EXOC4: variants seen among roughly 807,000 people sequenced by gnomAD.
The protein encoded by EXOC4 is SEC8-like 1.
EXOC4 carries 71 observed loss-of-function variants against 107.2 expected under a neutral mutation model. The ratio of observed to expected loss-of-function variants is 0.66; its 90% CI spans 0.55 to 0.81. The LOEUF (loss-of-function observed/expected upper bound fraction) is 0.81, where lower values mean the gene tolerates loss of function less well. EXOC4 is among the 30% of genes least tolerant of loss of function. The pLI is 0.00. For missense variants in EXOC4, 1,108 were observed against 1,189.6 expected (o/e 0.93, Z 1.01); for synonymous variants, 456 against 441.2 (o/e 1.03, Z -0.42).
intron 9 of EXOC4, among the ~76,000 whole-genome samples, chr7:133,607,769 A>G (rs1410282685): frequency 6.6e-6 from 1 of 152,200 alleles, no homozygotes; most frequent in Admixed American, 6.5e-5. Flanking sequence ...GGGTTATTAT[A>G]ATGGAGAAAT....
chr7:133,717,362 TGTAA>T (rs1279277725), intron 10 of EXOC4, among the ~76,000 whole-genome samples: 3 of 152,214 alleles, frequency 2.0e-5, no homozygotes, highest in Admixed American at 6.5e-5. Context: ...CTCATTCAGT[TGTAA>T]GTGTTTTCTC....
At position 133,960,362 on chromosome 7, in the gene EXOC4, C is replaced by T. The variant is rs150511034; in HGVS notation, c.2206+22293C>T. 1.4e-4 allele frequency among the ~76,000 whole-genome samples: 22 copies of T among 152,248 alleles called. 1 individual carries two copies. In the East Asian group the frequency reaches 4.3e-3, roughly 29 times the overall value. Reference sequence around the variant, plus strand: ...TTGGTATTAGGGTGATAGATACTGGCTTCATAGAATGATTTAGGGAGGGTT... The same window carrying T: ...TTGGTATTAGGGTGATAGATACTGGTTTCATAGAATGATTTAGGGAGGGTT... On this transcript the variant is annotated intron_variant, in intron 14 of 17. Transcript: ENST00000253861.
At chr7:133,557,240 C>A (rs185426252) in intron 9 of EXOC4, among the ~76,000 whole-genome samples, 3 of 152,232 alleles carry the variant, frequency 2.0e-5, no homozygotes, top group African/African-American at 7.2e-5. Flanking sequence ...TCTCCTCCCT[C>A]CCCCACAACC....
intron 6 of EXOC4, among the ~76,000 whole-genome samples, chr7:133,369,402 A>G (rs191785950): frequency 3.3e-5 from 5 of 152,292 alleles, no homozygotes; most frequent in African/African-American, 7.2e-5. Flanking sequence ...GTTCCACTCA[A>G]TGATCCACTG....
chr7:134,019,363 T>A (rs1484774176), intron 17 of EXOC4, among the ~76,000 whole-genome samples: 1 of 152,130 alleles, frequency 6.6e-6, no homozygotes, highest in Non-Finnish European at 1.5e-5. Flanking sequence ...GCAAGACATG[T>A]GATTTTTTTT....
intron 11 of EXOC4, 142 bp from the exon 12 acceptor site, chr7:133,895,457 G>A (rs1799284463): frequency 3.5e-6 from 3 of 851,984 alleles, no homozygotes; most frequent in Non-Finnish European, 5.5e-6. Context: ...TCCTCCCCCT[G>A]TTTTGAGTTC....
At chr7:133,509,526 C>T (rs1343979673) in intron 9 of EXOC4, among the ~76,000 whole-genome samples, 1 of 149,988 alleles carries the variant, frequency 6.7e-6, no homozygotes, top group Non-Finnish European at 1.5e-5. Context: ...TATAACCCTT[C>T]CTCTTCCTCT....
intron 9 of EXOC4, among the ~76,000 whole-genome samples, chr7:133,516,304 A>G (rs1799874413): frequency 6.6e-6 from 1 of 152,158 alleles, no homozygotes; most frequent in Non-Finnish European, 1.5e-5. Context: ...ATTTAAGGAC[A>G]TTTTCGTCAT....
intron 7 of EXOC4, among the ~76,000 whole-genome samples, chr7:133,404,350 G>A (rs1340248974): frequency 6.6e-6 from 1 of 152,018 alleles, no homozygotes; most frequent in Non-Finnish European, 1.5e-5. Flanking sequence ...TGATCCACCC[G>A]CCTCAGCCTC....
chr7:134,025,470 T>A (rs1447357963), intron 17 of EXOC4, among the ~76,000 whole-genome samples: 1 of 152,224 alleles, frequency 6.6e-6, no homozygotes, highest in Admixed American at 6.5e-5. Flanking sequence ...ATATGAGTTC[T>A]CTTAGTTGAG....
At chr7:133,791,590 A>G (rs1796704601) in intron 10 of EXOC4, among the ~76,000 whole-genome samples, 1 of 152,244 alleles carries the variant, frequency 6.6e-6, no homozygotes, top group Non-Finnish European at 1.5e-5. Flanking sequence ...TAGTTTGGTT[A>G]GTAAAAATAT....
At chr7:133,794,568 A>G (rs1796774338) in intron 10 of EXOC4, among the ~76,000 whole-genome samples, 1 of 152,172 alleles carries the variant, frequency 6.6e-6, no homozygotes, top group African/African-American at 2.4e-5. Context: ...CTTTTCTCTT[A>G]GCACCTAAGA....
At chr7:133,794,250 CT>C (rs1222862002) in intron 10 of EXOC4, among the ~76,000 whole-genome samples, 1 of 152,120 alleles carries the variant, frequency 6.6e-6, no homozygotes, top group Admixed American at 6.5e-5. Flanking sequence ...TTTGAAGATA[CT>C]TTTTCATGTA....
intron 6 of EXOC4, among the ~76,000 whole-genome samples, chr7:133,374,454 C>T (rs1796442948): frequency 6.6e-6 from 1 of 152,060 alleles, no homozygotes; most frequent in Non-Finnish European, 1.5e-5. Flanking sequence ...GAGCTGTTGT[C>T]TGAAAAAATT....
At chr7:133,414,579 GTGA>G (rs1326900448) in intron 7 of EXOC4, among the ~76,000 whole-genome samples, 1 of 152,078 alleles carries the variant, frequency 6.6e-6, no homozygotes, top group African/African-American at 2.4e-5. Context: ...TAAATGTAGG[GTGA>G]TGTTTCCTCC....
chr7:133,346,188 A>G (rs1795780033), intron 5 of EXOC4, among the ~76,000 whole-genome samples: 1 of 152,224 alleles, frequency 6.6e-6, no homozygotes, highest in African/African-American at 2.4e-5. Context: ...CAAGGGCAAC[A>G]GTCTTCCAAC....
At chr7:133,302,059 T>C (rs17167013) in intron 3 of EXOC4, among the ~76,000 whole-genome samples, 46,089 of 151,948 alleles carry the variant, frequency 0.3, 8,038 homozygotes, top group African/African-American at 0.48. Flanking sequence ...TTTTCCTTTG[T>C]TGTAGACTTA....
At chr7:133,285,219 G>A (rs1425460498) in intron 2 of EXOC4, among the ~76,000 whole-genome samples, 2 of 152,078 alleles carry the variant, frequency 1.3e-5, no homozygotes, top group Admixed American at 6.6e-5. Flanking sequence ...ATTATGTTTT[G>A]TGCCATTGCG....
rs77639486 is a variant in EXOC4 at position 133,407,714 on chromosome 7, A to G, written c.1182+32712A>G. ...TAAAATGCTGATAATAAATACCAAT[A>G]TTACCAACCTATGGACCATTTCTCC... On this transcript the variant is annotated intron_variant, in intron 7 of 17. Transcript: ENST00000253861. Among the ~76,000 whole-genome samples the G allele has an allele frequency of 7.6e-3, 1,165 of 152,314 alleles. 14 individuals are homozygous for G. The highest frequency in any genetic ancestry group is 0.026 in the African/African-American group (1,100 of 41,580).
Sources: gnomAD v4.1 joint callset for allele counts (sites outside exome capture counted in the v4.1 genomes callset) on GRCh38, gnomAD v4.1.1 for gene constraint, MANE v1.5 for transcripts, NCBI Gene and HGNC (gene_info 2026-07-23, HGNC 2026-07-21) for gene names.